The following MAGI2 variants were observed in gnomAD, a reference collection of about 807,000 sequenced individuals.
The protein encoded by MAGI2 is membrane associated guanylate kinase, WW and PDZ domain containing 2.
Under a neutral mutation model 133.3 loss-of-function variants are expected in MAGI2, and 35 were observed. The observed-to-expected ratio is 0.26, with a 90% CI of 0.20 to 0.35. MAGI2 has a LOEUF of 0.35. Ranked by LOEUF, MAGI2 falls within the 10% of genes least tolerant of loss-of-function variation. The pLI, the probability that MAGI2 is intolerant of heterozygous loss-of-function variation, is 1.00. For missense variants in MAGI2, 1,636 were observed against 1,863.4 expected, an observed-to-expected ratio of 0.88 and a Z score of 2.25; for synonymous variants, 729 against 710.6, an observed-to-expected ratio of 1.03 and a Z score of -0.41.
chr7:78,638,682 G>A (rs1189991956), intron 2 of MAGI2, among the ~76,000 whole-genome samples: 1 of 152,110 alleles, frequency 6.6e-6, no homozygotes, highest in Non-Finnish European at 1.5e-5. Flanking sequence ...ATAAAGTAGG[G>A]CAACCAACCA....
intron 2 of MAGI2, among the ~76,000 whole-genome samples, chr7:78,982,965 T>C (rs1319660366): frequency 6.6e-6 from 1 of 151,940 alleles, no homozygotes; most frequent in Non-Finnish European, 1.5e-5. Context: ...ACTTGAAGTG[T>C]GGTTAGTCTG....
intron 3 of MAGI2, among the ~76,000 whole-genome samples, chr7:78,527,006 CAAAAAAAAAAAA>C (rs55707442): frequency 2.6e-4 from 12 of 45,430 alleles, no homozygotes; most frequent in East Asian, 8.4e-4. Context: ...GACTCCATCT[CAAAAAAAAAAAA>C]AAAAAAAAAA....
chr7:79,334,307 A>G (rs1292177510), intron 1 of MAGI2, among the ~76,000 whole-genome samples: 1 of 152,236 alleles, frequency 6.6e-6, no homozygotes, highest in African/African-American at 2.4e-5. Flanking sequence ...TGATGATGTC[A>G]GTAAGCATGG....
intron 10 of MAGI2, among the ~76,000 whole-genome samples, chr7:78,219,562 TC>T (rs897322950): frequency 3.3e-5 from 5 of 151,492 alleles, no homozygotes; most frequent in African/African-American, 7.3e-5. Context: ...GCCTTGTCCT[TC>T]CCCCCCACCG....
chr7:79,315,284 G>A (rs1838620002), intron 1 of MAGI2, among the ~76,000 whole-genome samples: 1 of 149,760 alleles, frequency 6.7e-6, no homozygotes, highest in Non-Finnish European at 1.5e-5. Flanking sequence ...TCAGCCTCCA[G>A]AGTAGCTGGG....
intron 13 of MAGI2, 92 bp from the exon 14 acceptor site, chr7:78,178,194 G>T (rs1394877790): frequency 2.5e-6 from 2 of 804,332 alleles, no homozygotes; most frequent in African/African-American, 1.7e-5. Flanking sequence ...TAATTTTGTG[G>T]ATGCGATTAA....
At chr7:78,742,780 A>T (rs1420368334) in intron 2 of MAGI2, among the ~76,000 whole-genome samples, 1 of 152,142 alleles carries the variant, frequency 6.6e-6, no homozygotes, top group Non-Finnish European at 1.5e-5. Flanking sequence ...GACTCAACTG[A>T]TGCAGTGTGA....
chr7:79,191,372 T>TTTCTTC (rs1214623098), intron 1 of MAGI2, among the ~76,000 whole-genome samples: 1 of 149,354 alleles, frequency 6.7e-6, no homozygotes, highest in Non-Finnish European at 1.5e-5. Flanking sequence ...TTCCTGAGCA[T>TTTCTTC]TTCTTCTTTT....
intron 2 of MAGI2, among the ~76,000 whole-genome samples, chr7:78,653,477 C>G (rs1451788766): frequency 6.6e-6 from 1 of 152,062 alleles, no homozygotes; most frequent in African/African-American, 2.4e-5. Context: ...AGTTCATGTC[C>G]TTTGCAGGGA....
rs554010061 is a variant in MAGI2 at position 78,529,668 on chromosome 7, G to GTTTTTTTTTTTTTTTTTTTTT, written c.539-8044_539-8024dup. On this transcript the variant is annotated intron_variant, in intron 3 of 21. Transcript: ENST00000354212. ...TTTCTTTTCCTTGCTAAAGGAGATG[G>GTTTTTTTTTTTTTTTTTTTTT]TTTTTTTTTTTTTTTTTTTTTTTTT... is the stretch of plus-strand genomic sequence containing the variant. 1.0e-3 allele frequency among the ~76,000 whole-genome samples: 59 copies of GTTTTTTTTTTTTTTTTTTTTT among 57,418 alleles called. 13 individuals carry two copies. The highest frequency in any genetic ancestry group is 1.4e-3 in the African/African-American group (26 of 18,082). The allele number at this position is 57,418 out of a possible 152,430, so 37.7% of individuals were successfully genotyped here. A position where few individuals can be genotyped will look rare whatever the true frequency, so the allele number is the denominator to read the frequency against.
chr7:79,074,217 T>C (rs1436803711), intron 1 of MAGI2, among the ~76,000 whole-genome samples: 1 of 152,198 alleles, frequency 6.6e-6, no homozygotes, highest in Admixed American at 6.5e-5. Context: ...AGAGTTACCA[T>C]CTTAGGCATC....
rs150751191 is a variant in MAGI2, at chr7:78,157,397, A to G, written c.2845+2628T>C. Among the ~76,000 whole-genome samples, 1,011 of 152,304 alleles carry G rather than the reference A, an allele frequency of 6.6e-3. 16 individuals carry two copies. Among genetic ancestry groups the G allele is most frequent in the African/African-American group, 0.023 (941 of 41,570 alleles). On this transcript the variant is annotated intron_variant, in intron 16 of 21. Coordinates refer to ENST00000354212, the MANE Select transcript of MAGI2 (RefSeq NM_012301.4). Reference sequence around the variant, plus strand: ...GTCTGATGCCATTTGGTAGGAAGAAAAATTCACATGTTAATTATAAGCATT... The same window carrying G: ...GTCTGATGCCATTTGGTAGGAAGAAGAATTCACATGTTAATTATAAGCATT...
At chr7:78,171,942 G>A (rs1826151969) in intron 14 of MAGI2, among the ~76,000 whole-genome samples, 1 of 152,022 alleles carries the variant, frequency 6.6e-6, no homozygotes, top group African/African-American at 2.4e-5. Flanking sequence ...CCTGAAGGGA[G>A]AGCTTTGTGG....
intron 1 of MAGI2, among the ~76,000 whole-genome samples, chr7:79,193,050 G>A (rs1827805131): frequency 6.6e-6 from 1 of 151,792 alleles, no homozygotes; most frequent in African/African-American, 2.4e-5. Context: ...CTCCTCAAGT[G>A]ATCCTCCCAT....
intron 1 of MAGI2, among the ~76,000 whole-genome samples, chr7:79,316,684 A>G (rs992587556): frequency 6.6e-6 from 1 of 152,178 alleles, no homozygotes; most frequent in African/African-American, 2.4e-5. Context: ...CTAATGTTGT[A>G]TCAGACCAAT....
intron 1 of MAGI2, among the ~76,000 whole-genome samples, chr7:79,113,772 G>A (rs566370109): frequency 6.6e-6 from 1 of 151,596 alleles, no homozygotes; most frequent in African/African-American, 2.4e-5. Flanking sequence ...CTGCTACCCA[G>A]GGCAGTGCTA....
At chr7:79,014,941 G>C (rs930579312) in intron 1 of MAGI2, among the ~76,000 whole-genome samples, 2 of 151,938 alleles carry the variant, frequency 1.3e-5, no homozygotes, top group Non-Finnish European at 2.9e-5. Flanking sequence ...TTTGTTCTTG[G>C]TAAGTCCAAT....
chr7:79,218,860 G>A (rs1205444728), intron 1 of MAGI2, among the ~76,000 whole-genome samples: 9 of 152,056 alleles, frequency 5.9e-5, no homozygotes, highest in Admixed American at 1.3e-4. Context: ...TGAGGCCTTC[G>A]CCTATGCTAT....
intron 1 of MAGI2, among the ~76,000 whole-genome samples, chr7:79,177,634 T>C (rs1483360287): frequency 6.6e-6 from 1 of 152,046 alleles, no homozygotes; most frequent in Admixed American, 6.6e-5. Flanking sequence ...ACATGCTGTG[T>C]AGGGGATATC....
Sources: allele counts gnomAD v4.1 joint callset (sites outside exome capture counted in the v4.1 genomes callset), GRCh38; gene constraint gnomAD v4.1.1; transcripts MANE v1.5; gene names NCBI Gene and HGNC (gene_info 2026-07-23, HGNC 2026-07-21).